The following RRP15 variants were observed in gnomAD, a reference collection of about 807,000 sequenced individuals.
The protein encoded by RRP15 is RRP15-like protein.
A neutral mutation model predicts 27.1 loss-of-function variants in RRP15; 18 were observed. The observed-to-expected ratio is 0.66, with a 90% CI of 0.46 to 0.98. RRP15 has a LOEUF of 0.98. Ranked by LOEUF, RRP15 falls within the 50% of genes least tolerant of loss-of-function variation. RRP15 has a pLI of 0.00. For missense variants in RRP15, 359 were observed against 337.8 expected, an observed-to-expected ratio of 1.06 and a Z score of -0.49; for synonymous variants, 107 against 109.4, an observed-to-expected ratio of 0.98 and a Z score of 0.14.
At chr1:218,302,729 C>A in intron 2 of RRP15, 170 bp downstream of exon 2, 2 of 1,019,910 alleles carry the variant, frequency 2.0e-6, no homozygotes, top group Non-Finnish European at 2.8e-6. Context: ...CTAAATTATT[C>A]CATTGAGCAT....
chr1:218,290,270 G>A (rs980402497), intron 1 of RRP15, among the ~76,000 whole-genome samples: 5 of 152,070 alleles, frequency 3.3e-5, no homozygotes, highest in Admixed American at 6.6e-5. Context: ...TTGTGAATTC[G>A]CAGTTGATTC....
At chr1:218,299,923 A>T (rs1222530781) in intron 1 of RRP15, among the ~76,000 whole-genome samples, 1 of 152,106 alleles carries the variant, frequency 6.6e-6, no homozygotes, top group Non-Finnish European at 1.5e-5. Flanking sequence ...GTGGCCCTGG[A>T]ATAAAATAAT....
At chr1:218,305,981 G>A (rs1655893224) in intron 3 of RRP15, among the ~76,000 whole-genome samples, 1 of 151,912 alleles carries the variant, frequency 6.6e-6, no homozygotes, top group African/African-American at 2.4e-5. Context: ...AATATACCTA[G>A]CCTATAGGGT....
intron 3 of RRP15, 121 bp from the exon 4 acceptor site, chr1:218,307,310 T>G (rs1655914030): frequency 2.7e-6 from 2 of 751,390 alleles, no homozygotes; most frequent in Non-Finnish European, 4.2e-6. Flanking sequence ...TTCTTTCCTT[T>G]GAGTACTTGT....
At chr1:218,295,297 T>G (rs1655702296) in intron 1 of RRP15, among the ~76,000 whole-genome samples, 1 of 152,164 alleles carries the variant, frequency 6.6e-6, no homozygotes, top group African/African-American at 2.4e-5. Context: ...AAGATTGTAG[T>G]CTTGGGACAG....
chr1:218,299,766 T>C (rs1176778741), intron 1 of RRP15, among the ~76,000 whole-genome samples: 2 of 152,224 alleles, frequency 1.3e-5, no homozygotes, highest in African/African-American at 4.8e-5. Context: ...TATTAGTGTC[T>C]GTGTAATGCT....
intron 1 of RRP15, among the ~76,000 whole-genome samples, chr1:218,286,667 A>G (rs180830316): frequency 5.9e-5 from 9 of 152,268 alleles, no homozygotes; most frequent in Non-Finnish European, 8.8e-5. Flanking sequence ...CCCAGTTCCT[A>G]TTGCCTTGTG....
intron 4 of RRP15, among the ~76,000 whole-genome samples, chr1:218,322,489 T>C (rs1656201643): frequency 6.6e-6 from 1 of 152,072 alleles, no homozygotes; most frequent in African/African-American, 2.4e-5. Flanking sequence ...AAACTTAGGA[T>C]TTGTGGAAAT....
At chr1:218,297,187 G>A (rs2102494958) in intron 1 of RRP15, among the ~76,000 whole-genome samples, 1 of 152,276 alleles carries the variant, frequency 6.6e-6, no homozygotes, top group Middle Eastern at 3.4e-3. Context: ...ACTGGAATAA[G>A]AACATAACAC....
chr1:218,301,330 G>T (rs1395683339), intron 1 of RRP15: 2 of 152,292 alleles, frequency 1.3e-5, no homozygotes, highest in African/African-American at 4.8e-5. Flanking sequence ...AATAAGTTCT[G>T]CAGGTTTCTG....
intron 1 of RRP15, among the ~76,000 whole-genome samples, chr1:218,295,385 G>A (rs1304134907): frequency 6.6e-6 from 1 of 152,156 alleles, no homozygotes; most frequent in Non-Finnish European, 1.5e-5. Flanking sequence ...TCGGGGCTGT[G>A]ATCTGATTGA....
chr1:218,298,641 A>G (rs1419850023), intron 1 of RRP15, among the ~76,000 whole-genome samples: 1 of 152,176 alleles, frequency 6.6e-6, no homozygotes, highest in African/African-American at 2.4e-5. Context: ...GAGATAAGAA[A>G]TGCGTTATGA....
chr1:218,311,938 A>G (rs953462972), intron 4 of RRP15, among the ~76,000 whole-genome samples: 1 of 152,248 alleles, frequency 6.6e-6, no homozygotes, highest in African/African-American at 2.4e-5. Flanking sequence ...TCTTAGACAC[A>G]TAGGAGAAAT....
chr1:218,302,233 C>T lies in RRP15; in HGVS notation c.140-61C>T, dbSNP rs887013077. On this transcript the variant is annotated intron_variant, in intron 1 of 4. Coordinates refer to ENST00000366932, the MANE Select transcript of RRP15 (RefSeq NM_016052.4). ...AGAGCTCCAGGAAGGGTTCGGGGGGCCTTGGCAGCCTCTGCCTAGGATATT... is the reference window on the plus strand; with the variant it reads ...AGAGCTCCAGGAAGGGTTCGGGGGGTCTTGGCAGCCTCTGCCTAGGATATT... 5 of 1,362,290 alleles carry T rather than the reference C, an allele frequency of 3.7e-6. No individual in the cohort carries two copies. The African/African-American group carries it at 7.3e-5, about 20-fold the overall frequency. 84.4% of individuals were successfully genotyped at this position (1,362,290 alleles called of 1,614,324 possible).
intron 1 of RRP15, among the ~76,000 whole-genome samples, chr1:218,286,594 T>C (rs1256289779): frequency 6.6e-6 from 1 of 152,174 alleles, no homozygotes; most frequent in Non-Finnish European, 1.5e-5. Context: ...AACCATTTGA[T>C]GTATGTATTT....
chr1:218,318,027 C>A (rs1656117492), intron 4 of RRP15, among the ~76,000 whole-genome samples: 1 of 151,988 alleles, frequency 6.6e-6, no homozygotes, highest in Non-Finnish European at 1.5e-5. Context: ...GAACTCCCAG[C>A]TCTTTTATAA....
At chr1:218,295,075 T>C (rs948128628) in intron 1 of RRP15, among the ~76,000 whole-genome samples, 15 of 152,196 alleles carry the variant, frequency 9.9e-5, no homozygotes. Context: ...AGATACAATA[T>C]ATACTCGGTT....
intron 4 of RRP15, among the ~76,000 whole-genome samples, chr1:218,317,200 A>G (rs1269166869): frequency 2.0e-5 from 3 of 152,250 alleles, no homozygotes; most frequent in African/African-American, 7.2e-5. Flanking sequence ...GTGATACACA[A>G]TGACTCGGCA....
chr1:218,316,718 A>G (rs1426958967), intron 4 of RRP15, among the ~76,000 whole-genome samples: 2 of 152,212 alleles, frequency 1.3e-5, no homozygotes, highest in Non-Finnish European at 2.9e-5. Context: ...AAATGTTTGC[A>G]ATAATTTTTA....
Sources: gnomAD v4.1 joint callset for allele counts (sites outside exome capture counted in the v4.1 genomes callset) on GRCh38, gnomAD v4.1.1 for gene constraint, MANE v1.5 for transcripts, NCBI Gene and HGNC (gene_info 2026-07-23, HGNC 2026-07-21) for gene names.